PTPRM: variants seen among roughly 807,000 people sequenced by gnomAD.
The protein encoded by PTPRM is receptor-type tyrosine-protein phosphatase mu.
PTPRM carries 47 observed loss-of-function variants against 186.7 expected under a neutral mutation model. That is an observed-to-expected ratio of 0.25 (90% CI 0.20 to 0.32). The LOEUF (loss-of-function observed/expected upper bound fraction) is 0.32, where lower values mean the gene tolerates loss of function less well. PTPRM is among the 10% of genes least tolerant of loss of function. The pLI, the probability that PTPRM is intolerant of heterozygous loss-of-function variation, is 1.00. For missense variants in PTPRM, 1,494 were observed against 1,865.0 expected, an observed-to-expected ratio of 0.80 and a Z score of 3.66; for synonymous variants, 668 against 674.9, an observed-to-expected ratio of 0.99 and a Z score of 0.16.
At chr18:8,036,227 T>G (rs559155530) in intron 7 of PTPRM, among the ~76,000 whole-genome samples, 1 of 152,338 alleles carries the variant, frequency 6.6e-6, no homozygotes, top group South Asian at 2.1e-4. Context: ...AAAAATGAAT[T>G]GGTTCAAGGA....
At position 8,028,801 on chromosome 18, in the gene PTPRM, G is replaced by A. The variant is rs139875318; in HGVS notation, c.1133-40885G>A. Among the ~76,000 whole-genome samples, 29 of 152,310 alleles carry A rather than the reference G, an allele frequency of 1.9e-4. 1 individual carries two copies. The East Asian group carries it at 4.2e-3, about 22-fold the overall frequency. On this transcript the variant is annotated intron_variant, in intron 7 of 32. Transcript: ENST00000580170. ...ACAATAGCATTTACCAAGAGAGCAC[G>A]ACGAGGAAGATGAAGTGCAAAAAAG...
At chr18:7,591,501 A>G (rs903994442) in intron 1 of PTPRM, among the ~76,000 whole-genome samples, 10 of 152,318 alleles carry the variant, frequency 6.6e-5, no homozygotes, top group African/African-American at 2.4e-4. Flanking sequence ...ACAAGTTCAG[A>G]AGTATTCTAA....
At chr18:8,113,806 A>G in intron 12 of PTPRM, 47 bp downstream of exon 12, 4 of 1,516,342 alleles carry the variant, frequency 2.6e-6, no homozygotes, top group Non-Finnish European at 2.7e-6. Context: ...GGGGTTGTTA[A>G]TGTGAACATA....
intron 7 of PTPRM, among the ~76,000 whole-genome samples, chr18:8,043,812 G>C (rs1191976094): frequency 6.6e-6 from 1 of 152,170 alleles, no homozygotes; most frequent in Admixed American, 6.5e-5. Context: ...ATGAGAATGA[G>C]GGAGTAGGAA....
chr18:8,075,013 T>G (rs1172252993), intron 8 of PTPRM, among the ~76,000 whole-genome samples: 1 of 152,150 alleles, frequency 6.6e-6, no homozygotes, highest in Non-Finnish European at 1.5e-5. Context: ...TCTTTAAGAG[T>G]TTTATAGTTT....
chr18:7,893,976 A>G (rs936849484), intron 3 of PTPRM, among the ~76,000 whole-genome samples: 4 of 152,184 alleles, frequency 2.6e-5, no homozygotes, highest in African/African-American at 9.7e-5. Flanking sequence ...GTGTCAGCCT[A>G]ATTAGAGATG....
chr18:8,310,662 C>A (rs543414623), intron 20 of PTPRM, among the ~76,000 whole-genome samples: 2 of 152,128 alleles, frequency 1.3e-5, no homozygotes, highest in Non-Finnish European at 2.9e-5. Context: ...ACTCTCATAG[C>A]TCTCTGTCCT....
intron 19 of PTPRM, among the ~76,000 whole-genome samples, chr18:8,266,821 T>C (rs1309406494): frequency 1.3e-5 from 2 of 152,028 alleles, no homozygotes; most frequent in African/African-American, 4.8e-5. Context: ...GGCAGGAGAA[T>C]TGCTTGAACC....
intron 1 of PTPRM, among the ~76,000 whole-genome samples, chr18:7,727,111 T>G (rs576841446): frequency 6.6e-6 from 1 of 152,230 alleles, no homozygotes; most frequent in African/African-American, 2.4e-5. Flanking sequence ...ACGGGTGACT[T>G]GAAAAGTAAT....
intron 31 of PTPRM, among the ~76,000 whole-genome samples, chr18:8,393,564 A>G (rs894274743): frequency 1.3e-5 from 2 of 152,154 alleles, no homozygotes; most frequent in African/African-American, 4.8e-5. Flanking sequence ...AGATGTGACT[A>G]CAGTCTGTGG....
rs562932734 is a variant in PTPRM at position 7,860,962 on chromosome 18, G to A, written c.197-27144G>A. On this transcript the variant is annotated intron_variant, in intron 2 of 32. Transcript: ENST00000580170. ...GGATCCTTATCCCAATTATTTTCTG[G>A]CACAGATAGCAAATGCATTCTTAAA... 2.6e-5 allele frequency among the ~76,000 whole-genome samples: 4 copies of A among 152,142 alleles called. No homozygotes were observed. In the South Asian group the frequency reaches 6.2e-4, roughly 24 times the overall value.
At chr18:8,079,769 G>C (rs541375436) in intron 9 of PTPRM, among the ~76,000 whole-genome samples, 53 of 152,048 alleles carry the variant, frequency 3.5e-4, no homozygotes, top group African/African-American at 1.3e-3. Context: ...TAAAAATAAA[G>C]ATTGACAGAT....
chr18:7,867,005 G>GCAACCCCTGCTTT (rs2047737523), intron 2 of PTPRM, among the ~76,000 whole-genome samples: 1 of 152,106 alleles, frequency 6.6e-6, no homozygotes, highest in Non-Finnish European at 1.5e-5. Flanking sequence ...GACTAGGATT[G>GCAACCCCTGCTTT]CAACCCCTGC....
chr18:8,318,532 A>G, intron 21 of PTPRM, among the ~76,000 whole-genome samples: 1 of 152,012 alleles, frequency 6.6e-6, no homozygotes, highest in Admixed American at 6.6e-5. Flanking sequence ...CCTAAGCTCA[A>G]GCAGTCTGCC....
At chr18:8,167,894 C>T (rs772689900) in intron 14 of PTPRM, among the ~76,000 whole-genome samples, 1 of 152,192 alleles carries the variant, frequency 6.6e-6, no homozygotes, top group Non-Finnish European at 1.5e-5. Context: ...CCAGCGATGT[C>T]GCGAAGTGGC....
intron 2 of PTPRM, among the ~76,000 whole-genome samples, chr18:7,867,770 G>A (rs558349060): frequency 8.8e-4 from 134 of 152,014 alleles, no homozygotes; most frequent in African/African-American, 3.0e-3. Flanking sequence ...GGAAGTTCTG[G>A]ATAATATCCT....
intron 8 of PTPRM, among the ~76,000 whole-genome samples, chr18:8,070,406 A>C (rs1297391): frequency 0.48 from 72,785 of 151,474 alleles, 17,614 homozygotes; most frequent in Non-Finnish European, 0.52. Flanking sequence ...AACATTTTTC[A>C]TAGTTCAGAT....
Position 7,941,086 on chromosome 18 carries a change from G to A in PTPRM, c.664-8095G>A, listed in dbSNP as rs1178204068. 2.0e-5 allele frequency among the ~76,000 whole-genome samples: 3 copies of A among 152,112 alleles called. No homozygotes were observed. In the East Asian group the frequency reaches 5.8e-4, roughly 29 times the overall value. On this transcript the variant is annotated intron_variant, in intron 5 of 32. Coordinates refer to ENST00000580170, the MANE Select transcript of PTPRM (RefSeq NM_001105244.2). ...CATTCACATCCCATTCCTGTTTTAC[G>A]TGCCTGTCCTTTTCATGCTGGAAGA...
At chr18:7,982,351 G>A (rs1164723837) in intron 7 of PTPRM, among the ~76,000 whole-genome samples, 1 of 147,768 alleles carries the variant, frequency 6.8e-6, no homozygotes, top group Non-Finnish European at 1.5e-5. Context: ...ATTAGCCTAG[G>A]CCTACTCTGG....
Sources: gnomAD v4.1 joint callset for allele counts (sites outside exome capture counted in the v4.1 genomes callset) on GRCh38, gnomAD v4.1.1 for gene constraint, MANE v1.5 for transcripts, NCBI Gene and HGNC (gene_info 2026-07-23, HGNC 2026-07-21) for gene names.